Variants in A2ML1 observed in about 807,000 individuals in gnomAD.
A2ML1 encodes the protein alpha-2-macroglobulin-like protein 1.
Under a neutral mutation model 181.9 loss-of-function variants are expected in A2ML1, and 161 were observed. The observed-to-expected ratio is 0.89, with a 90% CI of 0.78 to 1.01. The LOEUF (loss-of-function observed/expected upper bound fraction) is 1.01, where lower values mean the gene tolerates loss of function less well. Ranked by LOEUF, A2ML1 falls within the 50% of genes least tolerant of loss-of-function variation. The pLI is 0.00. For synonymous variants in A2ML1, 663 were observed against 666.8 expected (o/e 0.99, Z 0.09); for missense variants, 1,670 against 1,768.1 (o/e 0.94, Z 1.00).
chr12:8,856,480 A>G (rs1337017991), intron 23 of A2ML1, among the ~76,000 whole-genome samples: 1 of 152,192 alleles, frequency 6.6e-6, no homozygotes, highest in African/African-American at 2.4e-5. Flanking sequence ...GATGTTAATG[A>G]GTCACTTATG....
intron 7 of A2ML1, among the ~76,000 whole-genome samples, chr12:8,837,165 G>T (rs1229170861): frequency 6.6e-6 from 1 of 152,110 alleles, no homozygotes; most frequent in Non-Finnish European, 1.5e-5. Context: ...GATTACAGGT[G>T]TGAGCCACCA....
chr12:8,852,388 G>A lies in A2ML1; in HGVS notation c.2590+52G>A, dbSNP rs1445693737. On this transcript the variant is annotated intron_variant, in intron 20 of 35. Transcript: ENST00000299698. The surrounding 1 kb of genome is among the most constrained non-coding windows in gnomAD (Gnocchi z 4.2). The stretch of plus-strand genomic sequence containing the variant: ...GAGGAAAGCCAGCAGCAGAAGACCA[G>A]TGACTGAGCACTCAGTCTTTTCCTC... The A allele has an allele frequency of 6.2e-7, 1 of 1,608,624 alleles. No homozygotes were observed. The highest frequency in any genetic ancestry group is 8.5e-7 in the Non-Finnish European group (1 of 1,177,020).
In A2ML1 at chr12:8,852,392, C is replaced by G. The variant is rs1943924985; in HGVS notation, c.2590+56C>G. On this transcript the variant is annotated intron_variant, in intron 20 of 35. Transcript: ENST00000299698. The surrounding 1 kb of genome is among the most constrained non-coding windows in gnomAD (Gnocchi z 4.2). ...AAAGCCAGCAGCAGAAGACCAGTGACTGAGCACTCAGTCTTTTCCTCTGCC... is the reference window on the plus strand; with the variant it reads ...AAAGCCAGCAGCAGAAGACCAGTGAGTGAGCACTCAGTCTTTTCCTCTGCC... The G allele has an allele frequency of 6.2e-7, 1 of 1,606,364 alleles. No individual in the cohort carries two copies. The highest frequency in any genetic ancestry group is 8.5e-7 in the Non-Finnish European group (1 of 1,175,884).
At chr12:8,829,616 C>A in intron 3 of A2ML1, 111 bp from the exon 4 acceptor site, 1 of 1,059,510 alleles carries the variant, frequency 9.4e-7, no homozygotes, top group Non-Finnish European at 1.4e-6. Context: ...GGTTGTGCCA[C>A]TGCACTCCAA....
intron 18 of A2ML1, among the ~76,000 whole-genome samples, chr12:8,851,471 T>TCATA (rs1486781993): frequency 1.3e-5 from 2 of 151,780 alleles, no homozygotes; most frequent in Non-Finnish European, 2.9e-5. Flanking sequence ...AGTGGTGCAA[T>TCATA]CATAGCTCAC....
chr12:8,881,786 T>C (rs948939001), downstream of A2ML1, among the ~76,000 whole-genome samples: 4 of 151,526 alleles, frequency 2.6e-5, no homozygotes, highest in South Asian at 2.1e-4. Context: ...CCGAGGCGGG[T>C]GGATCACGAG....
intron 17 of A2ML1, among the ~76,000 whole-genome samples, 194 bp downstream of exon 17, chr12:8,849,953 TC>T (rs1282354967): frequency 6.6e-6 from 1 of 152,176 alleles, no homozygotes; most frequent in African/African-American, 2.4e-5. Flanking sequence ...AGCTTATGTA[TC>T]CATTCCCCGG....
At chr12:8,834,962 C>G (rs1943225238) in intron 5 of A2ML1, 1 of 479,382 alleles carries the variant, frequency 2.1e-6, no homozygotes, top group South Asian at 3.0e-5. Context: ...GATGACTTAA[C>G]CAGGCTTGGT....
chr12:8,839,572 T>A (rs1344570268), intron 10 of A2ML1, among the ~76,000 whole-genome samples: 1 of 152,056 alleles, frequency 6.6e-6, no homozygotes, highest in African/African-American at 2.4e-5. Flanking sequence ...ACCTTAGGGG[T>A]CTTTCTAATG....
Position 8,843,362 on chromosome 12 carries a change from G to T in A2ML1, c.1476+1G>T, listed in dbSNP as rs758062102. On this transcript the variant is annotated splice_donor_variant, in intron 12 of 35. Transcript: ENST00000299698. LOFTEE classifies it high-confidence loss of function. ...CCAAGAGATCAGCTTCTCCTACTAT[G>T]TGAGACCGGGAAACGGGGACGGGTG... 4 of 1,612,322 alleles carry T rather than the reference G, an allele frequency of 2.5e-6. No individual in the cohort carries two copies. In the African/African-American group the frequency reaches 5.3e-5, roughly 22 times the overall value.
chr12:8,833,368 A>T (rs1381193082), intron 4 of A2ML1, among the ~76,000 whole-genome samples: 1 of 152,050 alleles, frequency 6.6e-6, no homozygotes, highest in African/African-American at 2.4e-5. Flanking sequence ...CCTGTGTGAG[A>T]AAAGTACTTT....
rs191862393 is a variant in A2ML1, at chr12:8,884,996, G to A, written c.*95-1511G>A. ...CTGCAATGAACATTTGCATGCATGT[G>A]TCTTTATGGTAGAATGATTTATATT... On this transcript the variant is annotated intron_variant and NMD_transcript_variant, in intron 7 of 7. Transcript: ENST00000537475. Among the ~76,000 whole-genome samples, 299 of 152,306 alleles carry A rather than the reference G, an allele frequency of 2.0e-3. 3 individuals carry two copies. The highest frequency in any genetic ancestry group is 7.0e-3 in the African/African-American group (293 of 41,574).
chr12:8,835,680 T>G lies in A2ML1; in HGVS notation c.643+14T>G. On this transcript the variant is annotated intron_variant, in intron 6 of 35. Coordinates refer to ENST00000299698, the MANE Select transcript of A2ML1 (RefSeq NM_144670.6). ...TGGAGGAATATGGTAGGTGGGGAAA[T>G]GGACAGGCCAAAGTATTGGGCATAA... The G allele has an allele frequency of 6.2e-7, 1 of 1,613,828 alleles. No individual in the cohort carries two copies. Among genetic ancestry groups the G allele is most frequent in the African/African-American group, 1.3e-5 (1 of 74,996 alleles).
chr12:8,873,980 T>C (rs770150661), intron 33 of A2ML1, among the ~76,000 whole-genome samples: 4 of 152,102 alleles, frequency 2.6e-5, no homozygotes, highest in Admixed American at 2.0e-4. Context: ...TAGCGGTACA[T>C]AGAGGGTTTC....
rs190479708 is a variant in A2ML1, at chr12:8,823,319, A to T, written c.200A>T (p.Glu67Val). The part of the protein sequence containing the change: ...ETKDKTQKLL[E>V]YSGLKKRHLH... Reference sequence around the variant, plus strand: ...AAGGACAAGACCCAGAAGTTGCTAGAATACTCTGGACTGAAGAAGAGGCAC... The same window carrying T: ...AAGGACAAGACCCAGAAGTTGCTAGTATACTCTGGACTGAAGAAGAGGCAC... The change falls in exon 2 of 36, where the codon GAA becomes GTA. Residue 67 changes from glutamate (E) to valine (V), a missense_variant. Coordinates refer to ENST00000299698, the MANE Select transcript of A2ML1 (RefSeq NM_144670.6). 1,275 of 1,614,182 alleles carry T rather than the reference A, an allele frequency of 7.9e-4. 24 individuals are homozygous for T. The Admixed American group carries it at 0.02, about 26-fold the overall frequency.
chr12:8,873,907 G>A (rs1224278991), intron 33 of A2ML1, among the ~76,000 whole-genome samples: 1 of 152,098 alleles, frequency 6.6e-6, no homozygotes, highest in Non-Finnish European at 1.5e-5. Flanking sequence ...AGAGCTGTAA[G>A]ATCCTAAGAA....
At position 8,846,173 on chromosome 12, in the gene A2ML1, T is replaced by A. The variant is rs891420863; in HGVS notation, c.1634T>A (p.Val545Asp). Residue 545 changes from valine to aspartate, a missense_variant, in exon 14 of 36, where the codon GTT (valine) becomes GAT (aspartate). Transcript: ENST00000299698. ...VIYAIFPSGG[V>D]VADKIQFSVE... The stretch of plus-strand genomic sequence containing the variant: ...TATGCCATTTTTCCCAGTGGAGGTG[T>A]TGTAGCTGACAAAATTCAGTTCTCA... The A allele has an allele frequency of 1.9e-6, 3 of 1,614,040 alleles. No homozygotes were observed. The African/African-American group carries it at 4.0e-5, about 22-fold the overall frequency.
downstream of A2ML1, among the ~76,000 whole-genome samples, chr12:8,881,316 T>C (rs1223573992): frequency 6.6e-6 from 1 of 152,092 alleles, no homozygotes; most frequent in East Asian, 1.9e-4. Flanking sequence ...AAAGGACAAG[T>C]TGTGGAAACA....
chr12:8,838,278 G>T, intron 8 of A2ML1, 58 bp from the exon 9 acceptor site: 1 of 1,169,008 alleles, frequency 8.6e-7, no homozygotes, highest in Non-Finnish European at 1.3e-6. Flanking sequence ...TTATAAAATG[G>T]ATGTAGAGAT....
Sources: gnomAD v4.1 joint callset for allele counts (sites outside exome capture counted in the v4.1 genomes callset) on GRCh38, gnomAD v4.1.1 for gene constraint, Gnocchi (gnomAD v3.1) non-coding constraint, MANE v1.5 for transcripts, NCBI Gene and HGNC (gene_info 2026-07-23, HGNC 2026-07-21) for gene names.